The following GPHN variants were observed in gnomAD, a reference collection of about 807,000 sequenced individuals.
GPHN encodes the protein gephyrin.
A neutral mutation model predicts 95.5 loss-of-function variants in GPHN; 17 were observed. The ratio of observed to expected loss-of-function variants is 0.18; its 90% CI spans 0.12 to 0.27. GPHN has a LOEUF of 0.27. Among genes scored for constraint, GPHN ranks in the 10% least tolerant of loss-of-function variants. The pLI is 1.00. For missense variants in GPHN, 660 were observed against 978.1 expected, an observed-to-expected ratio of 0.67 and a Z score of 4.34; for synonymous variants, 320 against 322.5, an observed-to-expected ratio of 0.99 and a Z score of 0.08.
chr14:67,015,565 C>T (rs972635395), intron 9 of GPHN, among the ~76,000 whole-genome samples: 9 of 151,966 alleles, frequency 5.9e-5, no homozygotes, highest in African/African-American at 1.9e-4. Context: ...GGTGTGGTGG[C>T]GCACACCTGT....
At chr14:67,258,568 C>T in the GPHN span, among the ~76,000 whole-genome samples, 4 of 152,116 alleles carry the variant, frequency 2.6e-5, no homozygotes, top group African/African-American at 9.7e-5. Flanking sequence ...ACTATAGGCA[C>T]ACGCCACCAC....
chr14:67,721,244 G>T, the GPHN span, among the ~76,000 whole-genome samples: 1 of 152,140 alleles, frequency 6.6e-6, no homozygotes, highest in Admixed American at 6.5e-5. Flanking sequence ...TTCTGTCCAA[G>T]AGAGGAACAC....
At chr14:67,031,284 T>C (rs529105213) in intron 10 of GPHN, among the ~76,000 whole-genome samples, 3 of 152,318 alleles carry the variant, frequency 2.0e-5, no homozygotes, top group Non-Finnish European at 4.4e-5. Context: ...GGAAAGAGGA[T>C]TTTGAAATAA....
intron 1 of GPHN, among the ~76,000 whole-genome samples, chr14:66,561,427 G>A (rs533385637): frequency 6.6e-6 from 1 of 152,140 alleles, no homozygotes; most frequent in African/African-American, 2.4e-5. Context: ...GCCTGTTATT[G>A]GTCTATTCTG....
At chr14:66,787,154 G>T (rs915537880) in intron 3 of GPHN, among the ~76,000 whole-genome samples, 1 of 151,974 alleles carries the variant, frequency 6.6e-6, no homozygotes, top group Admixed American at 6.6e-5. Context: ...CTGCTTTGTG[G>T]CATATAAGAT....
At chr14:67,619,609 C>T in the GPHN span, among the ~76,000 whole-genome samples, 5 of 152,262 alleles carry the variant, frequency 3.3e-5, no homozygotes, top group Non-Finnish European at 7.3e-5. Flanking sequence ...AGTTCAGGAA[C>T]CTGGCATGGG....
chr14:67,125,732 G>A (rs1254239309), intron 17 of GPHN, among the ~76,000 whole-genome samples: 2 of 151,312 alleles, frequency 1.3e-5, no homozygotes, highest in African/African-American at 2.4e-5. Flanking sequence ...AGCCAACATC[G>A]TGCCACTGCA....
chr14:67,169,187 A>G, intron 21 of GPHN, 151 bp downstream of exon 21: 1 of 663,250 alleles, frequency 1.5e-6, no homozygotes, highest in Non-Finnish European at 2.7e-6. Context: ...TAGAAAATGT[A>G]GGAGAAAGGG....
the GPHN span, among the ~76,000 whole-genome samples, chr14:67,253,732 T>C: frequency 2.0e-5 from 3 of 151,968 alleles, no homozygotes; most frequent in Admixed American, 2.0e-4. Context: ...TCCCAGCTAC[T>C]TGGGAGGCTC....
intron 8 of GPHN, among the ~76,000 whole-genome samples, chr14:66,960,879 C>A (rs1178081129): frequency 6.6e-6 from 1 of 152,068 alleles, no homozygotes; most frequent in Non-Finnish European, 1.5e-5. Context: ...GTACCTCATT[C>A]CATAACCCTC....
the GPHN span, among the ~76,000 whole-genome samples, chr14:67,624,494 C>CG: frequency 6.6e-6 from 1 of 152,154 alleles, no homozygotes; most frequent in Non-Finnish European, 1.5e-5. Context: ...ATAATCATGG[C>CG]GGAAGGTGAA....
chr14:67,087,402 T>C (rs925287760), intron 11 of GPHN, among the ~76,000 whole-genome samples: 3 of 152,268 alleles, frequency 2.0e-5, no homozygotes, highest in Middle Eastern at 3.4e-3. Context: ...TGCTAGGGAC[T>C]ATATAGCTTC....
chr14:67,618,843 T>G, the GPHN span, among the ~76,000 whole-genome samples: 5 of 152,202 alleles, frequency 3.3e-5, no homozygotes, highest in Non-Finnish European at 7.3e-5. Context: ...AAAAATAAAA[T>G]GTCTTAGGGT....
At chr14:66,877,614 A>G (rs990877153) in intron 4 of GPHN, among the ~76,000 whole-genome samples, 2 of 152,218 alleles carry the variant, frequency 1.3e-5, no homozygotes, top group African/African-American at 4.8e-5. Flanking sequence ...GAGCCAAATC[A>G]TGAGTGAACT....
chr14:67,653,369 A>G, the GPHN span: 1 of 1,413,188 alleles, frequency 7.1e-7, no homozygotes, highest in South Asian at 1.2e-5. Context: ...TTTGTAAGTC[A>G]CTATTTTAAG....
chr14:67,691,161 G>A, the GPHN span: 1 of 1,613,134 alleles, frequency 6.2e-7, no homozygotes. Flanking sequence ...ACTCCTATGT[G>A]CATCTCAAAG....
chr14:66,789,521 T>C (rs1226432947), intron 3 of GPHN, among the ~76,000 whole-genome samples: 1 of 152,180 alleles, frequency 6.6e-6, no homozygotes, highest in African/African-American at 2.4e-5. Context: ...GGCTTTAGGG[T>C]TGATCCCTTG....
chr14:67,693,645 C>CT, the GPHN span, among the ~76,000 whole-genome samples: 14 of 149,684 alleles, frequency 9.4e-5, no homozygotes, highest in African/African-American at 3.4e-4. Flanking sequence ...CTTTCTTTCT[C>CT]TTTCTCTTTT....
chr14:67,047,264 C>T (rs1256002199), intron 10 of GPHN, among the ~76,000 whole-genome samples: 1 of 150,018 alleles, frequency 6.7e-6, no homozygotes, highest in African/African-American at 2.5e-5. Flanking sequence ...ATCAGAACAT[C>T]TTGTTTCTGC....
Sources: allele counts gnomAD v4.1 joint callset (sites outside exome capture counted in the v4.1 genomes callset), GRCh38; gene constraint gnomAD v4.1.1; transcripts MANE v1.5; gene names NCBI Gene and HGNC (gene_info 2026-07-23, HGNC 2026-07-21).